UPF3B: variants seen among roughly 807,000 people sequenced by gnomAD.
The protein encoded by UPF3B is UPF3B regulator of nonsense mediated mRNA decay.
UPF3B carries 7 observed loss-of-function variants against 40.3 expected under a neutral mutation model. The ratio of observed to expected loss-of-function variants is 0.17; its 90% confidence interval spans 0.10 to 0.33. UPF3B has a LOEUF of 0.33. Ranked by LOEUF, UPF3B falls within the 10% of genes least tolerant of loss-of-function variation. UPF3B has a pLI of 1.00. For synonymous variants in UPF3B, 117 were observed against 117.3 expected (o/e 1.00, Z 0.01); for missense variants, 229 against 358.9 (o/e 0.64, Z 2.93).
chrX:119,839,411 T>C (rs990861819), intron 8 of UPF3B, among the ~76,000 whole-genome samples: 2 of 112,522 alleles, frequency 1.8e-5, no homozygotes, highest in African/African-American at 6.4e-5. Context: ...AACCAAATAG[T>C]GAAGTTCCAT....
At chrX:119,847,435 G>C (rs1281003511) in intron 3 of UPF3B, among the ~76,000 whole-genome samples, 1 of 108,712 alleles carries the variant, frequency 9.2e-6, no homozygotes, top group Non-Finnish European at 1.9e-5. Flanking sequence ...TGGGCAATGA[G>C]GGCGAAATTC....
Position 119,843,277 on chromosome X carries a change from T to C in UPF3B, c.494A>G (p.Glu165Gly). ...TTTCTCATTATCTGTGGCATAACTT[T>C]CCAAAAACTTTCTATATTCTGGATC... ...DDDPEYRKFL[E>G]SYATDNEKMT... The change falls in exon 5 of 11, where the codon GAA (glutamate) becomes GGA (glycine). Residue 165 changes from glutamate (E) to glycine (G), a missense_variant. Glu to Gly is a moderately conservative substitution (Grantham distance 98). Around this residue, in one of 3 missense-constraint regions of UPF3B, gnomAD observed 87 missense variants for 184.2 expected, o/e 0.47. Transcript: ENST00000276201. 1 of 1,192,157 alleles carries C rather than the reference T, an allele frequency of 8.4e-7. No individual in the cohort carries two copies. Among genetic ancestry groups the C allele is most frequent in the Non-Finnish European group, 1.1e-6 (1 of 877,849 alleles).
rs1491221651 is a variant in UPF3B, at chrX:119,850,069, GGA to G, written c.370+1424_370+1425del. On this transcript the variant is annotated intron_variant, in intron 3 of 10. Coordinates refer to ENST00000276201, the MANE Select transcript of UPF3B (RefSeq NM_080632.3). Reference sequence around the variant, plus strand: ...CTTTGGGAGGCTGAGGTGGGGGGGGGGAAATCACTTGAGCCCAGGAGTTCAAG... The same window carrying G: ...CTTTGGGAGGCTGAGGTGGGGGGGGGAATCACTTGAGCCCAGGAGTTCAAG... Among the ~76,000 whole-genome samples the G allele has an allele frequency of 3.2e-3, 321 of 101,709 alleles. 1 individual carries two copies. The highest frequency in any genetic ancestry group is 0.01 in the Middle Eastern group (2 of 197). 88.3% of individuals were successfully genotyped at this position (101,709 alleles called of 115,157 possible). A position where few individuals can be genotyped will look rare whatever the true frequency, so the allele number is the denominator to read the frequency against.
chrX:119,821,731 G>A (rs1454191703), intron 4 of UPF3B, among the ~76,000 whole-genome samples: 3 of 110,382 alleles, frequency 2.7e-5, no homozygotes, highest in Non-Finnish European at 5.7e-5. Flanking sequence ...CCGGAGGGTG[G>A]AGGTTGCAGT....
intron 4 of UPF3B, among the ~76,000 whole-genome samples, chrX:119,819,610 T>C: frequency 9.0e-6 from 1 of 111,354 alleles, no homozygotes; most frequent in Non-Finnish European, 1.9e-5. Flanking sequence ...CTTCAGTTAA[T>C]AATGTAAAAA....
In UPF3B at chrX:119,839,206, C is replaced by A. The variant is rs1011407713; in HGVS notation, c.847-679G>T. Among the ~76,000 whole-genome samples the A allele has an allele frequency of 4.2e-4, 47 of 111,913 alleles. 1 individual carries two copies. The highest frequency in any genetic ancestry group is 1.4e-3 in the African/African-American group (44 of 30,790). On this transcript the variant is annotated intron_variant, in intron 8 of 10. Transcript: ENST00000276201. ...CACAAATTTTAAGTGATAGGCAGAT[C>A]GTTTCTGTTGGGACTGTTTTTATGT...
rs2428206 is a variant in UPF3B at position 119,834,106 on chromosome X, C to T, written c.*772G>A. 9,168 of 752,564 alleles carry T rather than the reference C, an allele frequency of 0.012. 564 individuals are homozygous for T. The African/African-American group carries it at 0.19, about 16-fold the overall frequency. The allele number at this position is 752,564 out of a possible 1,213,427, so 62.0% of individuals were successfully genotyped here. On this transcript the variant is annotated 3_prime_UTR_variant, in exon 11 of 11. Coordinates refer to ENST00000276201, the MANE Select transcript of UPF3B (RefSeq NM_080632.3). ...AGTTGCTATTTAACAGGAATAGACA[C>T]TGGTGCAGTTTCCTTCCTGGAGAGG...
intron 5 of UPF3B, among the ~76,000 whole-genome samples, chrX:119,812,797 C>G (rs1193909907): frequency 9.0e-6 from 1 of 111,474 alleles, no homozygotes; most frequent in Non-Finnish European, 1.9e-5. Flanking sequence ...TCCAAACATA[C>G]ATCCATTTCC....
intron 3 of UPF3B, among the ~76,000 whole-genome samples, chrX:119,823,547 CTTTTTTTCCTCTTTTT>C (rs1469836519): frequency 3.5e-5 from 3 of 86,081 alleles, no homozygotes; most frequent in South Asian, 6.0e-4. Context: ...CATTTCTTTT[CTTTTTTTCCTCTTTTT>C]TTTTTTTTTT....
chrX:119,808,262 AG>A (rs1341633676), intron 5 of UPF3B, among the ~76,000 whole-genome samples: 1 of 111,422 alleles, frequency 9.0e-6, no homozygotes, highest in Non-Finnish European at 1.9e-5. Flanking sequence ...AAGGAGAGGA[AG>A]GGAGCAAACT....
At chrX:119,811,626 CAG>C (rs2055828077) in intron 5 of UPF3B, among the ~76,000 whole-genome samples, 1 of 84,774 alleles carries the variant, frequency 1.2e-5, no homozygotes, top group African/African-American at 4.9e-5. Context: ...AGTCTGGTGA[CAG>C]AGTGAGACTC....
At chrX:119,834,009 A>AATT (rs1293278621), downstream of UPF3B, 2 of 751,147 alleles carry the variant, frequency 2.7e-6, no homozygotes, top group African/African-American at 4.6e-5. Flanking sequence ...TAAAGTTAAT[A>AATT]AACACACTTA....
At chrX:119,829,343 A>T (rs947917225), downstream of UPF3B, among the ~76,000 whole-genome samples, 1 of 112,099 alleles carries the variant, frequency 8.9e-6, no homozygotes, top group African/African-American at 3.2e-5. Context: ...TTATACTTTG[A>T]TATGTTAAGG....
chrX:119,838,639 G>T, intron 8 of UPF3B, 112 bp from the exon 9 acceptor site: 1 of 737,257 alleles, frequency 1.4e-6, no homozygotes, highest in Non-Finnish European at 2.0e-6. Context: ...CCCTATCTCT[G>T]CAGGTACACT....
chrX:119,850,849 C>T (rs1285418910), intron 3 of UPF3B, among the ~76,000 whole-genome samples: 5 of 112,238 alleles, frequency 4.5e-5, no homozygotes, highest in African/African-American at 1.6e-4. Flanking sequence ...AGCGATTCTT[C>T]TGCCTCAGCC....
intron 6 of UPF3B, among the ~76,000 whole-genome samples, chrX:119,807,146 C>A (rs1225813559): frequency 9.0e-6 from 1 of 110,541 alleles, no homozygotes; most frequent in Non-Finnish European, 1.9e-5. Context: ...GTAATGAAGT[C>A]CTCACTTGAC....
chrX:119,815,396 TACTA>T, intron 4 of UPF3B: 1 of 388,238 alleles, frequency 2.6e-6, no homozygotes, highest in Non-Finnish European at 3.3e-6. Flanking sequence ...TATTAATATA[TACTA>T]AAGTCCAGTC....
rs1175683021 is a variant in UPF3B, at chrX:119,846,830, T to TGAAAA, written c.371-1539_371-1535dup. Among the ~76,000 whole-genome samples the TGAAAA allele has an allele frequency of 8.2e-4, 91 of 110,849 alleles. 1 individual carries two copies. The highest frequency in any genetic ancestry group is 2.8e-3 in the African/African-American group (85 of 30,689). ...GCATCAAAAGACACAATCAACAGAGTGAAAAGGCAACCCATGGAATGGGAG... is the reference window on the plus strand; with the variant it reads ...GCATCAAAAGACACAATCAACAGAGTGAAAAGAAAAGGCAACCCATGGAATGGGAG... On this transcript the variant is annotated intron_variant, in intron 3 of 10. Transcript: ENST00000276201.
chrX:119,828,328 G>A (rs1282532762), intron 3 of UPF3B, among the ~76,000 whole-genome samples: 1 of 111,960 alleles, frequency 8.9e-6, no homozygotes, highest in Non-Finnish European at 1.9e-5. Context: ...GCCTCCCAAA[G>A]TGCTGGGATT....
Sources: allele counts gnomAD v4.1 joint callset (sites outside exome capture counted in the v4.1 genomes callset), GRCh38; gene constraint gnomAD v4.1.1; regional missense constraint gnomAD v4.1.1; transcripts MANE v1.5; gene names NCBI Gene and HGNC (gene_info 2026-07-23, HGNC 2026-07-21).